CDH13: variants seen among roughly 807,000 people sequenced by gnomAD.
CDH13 encodes the protein cadherin 13.
CDH13 carries 24 observed loss-of-function variants against 63.8 expected under a neutral mutation model. The observed-to-expected ratio is 0.38, with a 90% CI of 0.27 to 0.53. The LOEUF (loss-of-function observed/expected upper bound fraction) is 0.53, where lower values mean the gene tolerates loss of function less well. CDH13 is among the 20% of genes least tolerant of loss of function. CDH13 has a pLI of 0.85. For missense variants in CDH13, 1,049 were observed against 903.1 expected (o/e 1.16, Z -2.07); for synonymous variants, 503 against 355.3 (o/e 1.42, Z -4.67).
intron 1 of CDH13, among the ~76,000 whole-genome samples, chr16:82,835,676 G>T (rs186538646): frequency 2.8e-4 from 43 of 152,242 alleles, no homozygotes; most frequent in African/African-American, 1.0e-3. Context: ...CTTGATCAGC[G>T]GCCTCCCTGC....
At chr16:83,581,966 G>T (rs1241550471) in intron 7 of CDH13, among the ~76,000 whole-genome samples, 2 of 152,098 alleles carry the variant, frequency 1.3e-5, no homozygotes, top group Non-Finnish European at 2.9e-5. Context: ...CTAGGATGAG[G>T]GCATCTTTGT....
intron 1 of CDH13, among the ~76,000 whole-genome samples, chr16:82,709,947 G>C (rs1055076799): frequency 1.3e-5 from 2 of 152,006 alleles, no homozygotes; most frequent in East Asian, 1.9e-4. Context: ...TGTGAGGTTG[G>C]ATAAGCTACA....
chr16:83,333,658 A>G (rs1413649286), intron 5 of CDH13, among the ~76,000 whole-genome samples: 1 of 152,130 alleles, frequency 6.6e-6, no homozygotes, highest in East Asian at 1.9e-4. Flanking sequence ...CTTTTTATTT[A>G]TTTAACAATA....
chr16:83,648,792 T>G (rs1380365612), intron 8 of CDH13, among the ~76,000 whole-genome samples: 1 of 152,180 alleles, frequency 6.6e-6, no homozygotes, highest in Admixed American at 6.5e-5. Context: ...CCTGTCTTTA[T>G]TTTCTTCCTT....
intron 2 of CDH13, among the ~76,000 whole-genome samples, chr16:82,972,834 G>T (rs1908962010): frequency 6.6e-6 from 1 of 152,102 alleles, no homozygotes; most frequent in Non-Finnish European, 1.5e-5. Context: ...CAAAATATCT[G>T]CTGCAGGTCT....
At chr16:83,151,719 C>G (rs140650576) in intron 4 of CDH13, among the ~76,000 whole-genome samples, 1 of 152,208 alleles carries the variant, frequency 6.6e-6, no homozygotes, top group Non-Finnish European at 1.5e-5. Context: ...AATCCCAGCA[C>G]TTTCTGAGGC....
At chr16:83,298,773 C>T (rs913868065) in intron 5 of CDH13, among the ~76,000 whole-genome samples, 3 of 152,198 alleles carry the variant, frequency 2.0e-5, no homozygotes, top group Admixed American at 6.5e-5. Flanking sequence ...CTTCACTGAG[C>T]ATTACATGAG....
At chr16:83,123,542 G>C (rs1324756416) in intron 3 of CDH13, among the ~76,000 whole-genome samples, 1 of 152,102 alleles carries the variant, frequency 6.6e-6, no homozygotes, top group African/African-American at 2.4e-5. Flanking sequence ...GCCTCCCAAA[G>C]GGCTGGGATT....
chr16:83,731,101 TG>T (rs1179677592), intron 10 of CDH13, among the ~76,000 whole-genome samples: 7 of 152,228 alleles, frequency 4.6e-5, no homozygotes, highest in African/African-American at 1.7e-4. Flanking sequence ...TGCTTGCCAT[TG>T]TGCATTGTGC....
chr16:83,430,356 C>T (rs1277346330), intron 6 of CDH13, among the ~76,000 whole-genome samples: 1 of 152,140 alleles, frequency 6.6e-6, no homozygotes, highest in African/African-American at 2.4e-5. Flanking sequence ...TTGAAGAGGA[C>T]TCCAAAGACA....
intron 3 of CDH13, among the ~76,000 whole-genome samples, chr16:83,122,076 G>C (rs917285532): frequency 1.3e-5 from 2 of 152,182 alleles, no homozygotes; most frequent in African/African-American, 4.8e-5. Context: ...TGTTAGGATT[G>C]AGATGCTTGC....
At chr16:83,335,710 A>G (rs1375447971) in intron 5 of CDH13, among the ~76,000 whole-genome samples, 2 of 152,190 alleles carry the variant, frequency 1.3e-5, no homozygotes, top group Admixed American at 6.5e-5. Context: ...CAGAAATTGT[A>G]TAGAAAAGCA....
chr16:82,970,278 A>G (rs903800006), intron 2 of CDH13, among the ~76,000 whole-genome samples: 1 of 151,488 alleles, frequency 6.6e-6, no homozygotes, highest in South Asian at 2.1e-4. Flanking sequence ...TTATGGCTGC[A>G]TAGTATTCCC....
At chr16:83,427,965 A>G (rs2071964552) in intron 6 of CDH13, among the ~76,000 whole-genome samples, 1 of 152,256 alleles carries the variant, frequency 6.6e-6, no homozygotes, top group Non-Finnish European at 1.5e-5. Context: ...ATGGCGACAG[A>G]AAAGCCAGGG....
In CDH13 at chr16:83,507,817, G is replaced by T. The variant is rs371629546; in HGVS notation, c.960+21162G>T. 1.7e-4 allele frequency among the ~76,000 whole-genome samples: 26 copies of T among 151,010 alleles called. No homozygotes were observed. The East Asian group carries it at 5.0e-3, about 29-fold the overall frequency. On this transcript the variant is annotated intron_variant, in intron 7 of 13. Transcript: ENST00000567109. ...TGGAAGGCCGAGGCAGGCAGATCAT[G>T]GGCTCAGGAGTTCGATGCCAGCCTG...
At chr16:83,452,781 T>A (rs1275023124) in intron 6 of CDH13, among the ~76,000 whole-genome samples, 4 of 152,198 alleles carry the variant, frequency 2.6e-5, no homozygotes, top group Non-Finnish European at 5.9e-5. Context: ...GTTTGTGATG[T>A]CTAGAGAAGT....
chr16:83,398,228 T>G (rs2091916536), intron 6 of CDH13: 1 of 152,178 alleles, frequency 6.6e-6, no homozygotes, highest in Non-Finnish European at 1.5e-5. Flanking sequence ...AGAAACTTAT[T>G]CTCTAGCTTC....
intron 6 of CDH13, among the ~76,000 whole-genome samples, chr16:83,465,582 C>T (rs997664586): frequency 6.6e-6 from 1 of 152,154 alleles, no homozygotes; most frequent in Admixed American, 6.5e-5. Flanking sequence ...TTGATAAGAG[C>T]AGCTCAGCAG....
At chr16:83,083,680 G>A (rs1172790575) in intron 3 of CDH13, among the ~76,000 whole-genome samples, 1 of 152,158 alleles carries the variant, frequency 6.6e-6, no homozygotes, top group Non-Finnish European at 1.5e-5. Flanking sequence ...AACTATAGTT[G>A]GAAGTGTCTT....
Sources: gnomAD v4.1 joint callset for allele counts (sites outside exome capture counted in the v4.1 genomes callset) on GRCh38, gnomAD v4.1.1 for gene constraint, MANE v1.5 for transcripts, NCBI Gene and HGNC (gene_info 2026-07-23, HGNC 2026-07-21) for gene names.